The following AIM2 variants were observed in gnomAD, a reference collection of about 807,000 sequenced individuals.
AIM2 encodes absent in melanoma 2.
AIM2 carries 30 observed loss-of-function variants against 27.7 expected under a neutral mutation model. That is an observed-to-expected ratio of 1.08 (90% CI 0.81 to 1.47). The LOEUF (loss-of-function observed/expected upper bound fraction) is 1.47, where lower values mean the gene tolerates loss of function less well. Ranked by LOEUF, AIM2 falls within the 40% of genes most tolerant of loss-of-function variation. The probability of loss-of-function intolerance (pLI) is 0.00; values close to 1 mark genes in which losing one functional copy is unlikely to be tolerated. For missense variants in AIM2, 358 were observed against 411.3 expected (o/e 0.87, Z 1.12); for synonymous variants, 141 against 145.3 (o/e 0.97, Z 0.21).
chr1:159,127,092 G>C (rs1363145515), intron 1 of AIM2, among the ~76,000 whole-genome samples: 1 of 152,158 alleles, frequency 6.6e-6, no homozygotes, highest in Non-Finnish European at 1.5e-5. Context: ...ACAAGCCAGG[G>C]GATGATTGGT....
chr1:159,107,298 A>ATG (rs1491242235), intron 1 of AIM2, among the ~76,000 whole-genome samples: 9 of 150,250 alleles, frequency 6.0e-5, no homozygotes, highest in African/African-American at 2.0e-4. Flanking sequence ...ACAGATGTAC[A>ATG]TGTGTGTATG....
intron 1 of AIM2, among the ~76,000 whole-genome samples, chr1:159,092,276 A>G (rs1657065943): frequency 6.6e-6 from 1 of 152,248 alleles, no homozygotes; most frequent in Non-Finnish European, 1.5e-5. Context: ...TAAGCTGAAA[A>G]CAATTAAGTT....
At chr1:159,139,918 C>T (rs7536264) in intron 1 of AIM2, among the ~76,000 whole-genome samples, 4 of 152,112 alleles carry the variant, frequency 2.6e-5, no homozygotes, top group African/African-American at 4.8e-5. Context: ...CTTACCTTCT[C>T]GGAATTCTCA....
chr1:159,115,271 T>C (rs565901050), intron 1 of AIM2, among the ~76,000 whole-genome samples: 3 of 152,300 alleles, frequency 2.0e-5, no homozygotes, highest in African/African-American at 7.2e-5. Flanking sequence ...AGGTAATTTA[T>C]AGATTCAATG....
chr1:159,058,499 T>C (rs1340760828), downstream of AIM2, among the ~76,000 whole-genome samples: 1 of 151,596 alleles, frequency 6.6e-6, no homozygotes, highest in Non-Finnish European at 1.5e-5. Flanking sequence ...GGGAGGGTGA[T>C]GAGGAGCCAC....
intron 2 of AIM2, among the ~76,000 whole-genome samples, chr1:159,072,652 T>C (rs1656410017): frequency 6.6e-6 from 1 of 152,180 alleles, no homozygotes; most frequent in Non-Finnish European, 1.5e-5. Context: ...ATTTATACTG[T>C]CACCTGTACT....
rs1656459935 is a variant in AIM2 at position 159,073,475 on chromosome 1, G to A, written c.25C>T (p.Leu9Phe). 6.2e-7 allele frequency: 1 copy of A among 1,613,990 alleles called. No homozygotes were observed. The highest frequency in any genetic ancestry group is 1.1e-5 in the South Asian group (1 of 91,080). The change falls in exon 2 of 6, where the codon CTC becomes TTC. Residue 9 changes from leucine (L) to phenylalanine (F), a missense_variant. By Grantham distance (22) the Leu-to-Phe change is conservative. Transcript: ENST00000368130. ...ATGTTATCCAGGCCTGTTAGCAAGA[G>A]TATCTCCTTGTATTTACTCTCCATC... MESKYKEILLLTGLDNITD... is the reference protein window; with the variant it reads MESKYKEIFLLTGLDNITD...
chr1:159,107,324 G>T (rs867696806), intron 1 of AIM2, among the ~76,000 whole-genome samples: 1 of 150,568 alleles, frequency 6.6e-6, no homozygotes, highest in African/African-American at 2.5e-5. Flanking sequence ...GTGTGTGTGT[G>T]TGTGTGTGCG....
chr1:159,078,003 G>A (rs1315012853), upstream of AIM2, among the ~76,000 whole-genome samples: 2 of 152,206 alleles, frequency 1.3e-5, no homozygotes, highest in East Asian at 3.8e-4. Context: ...TGCTCAAGGA[G>A]CAGAGGAAGA....
rs1188391150 is a variant in AIM2, at chr1:159,130,838, ACACACG to A, written c.-16+9587_-16+9592del. On this transcript the variant is annotated intron_variant, in intron 1 of 2. Transcript: ENST00000368129. ...CACACACACACACACACACACACAC[ACACACG>A]CACGCACTCTTCAAATCTGTCATTG... Among the ~76,000 whole-genome samples the A allele has an allele frequency of 8.0e-4, 110 of 137,660 alleles. 1 individual carries two copies. Among genetic ancestry groups the A allele is most frequent in the South Asian group, 9.4e-4 (4 of 4,244 alleles). 90.3% of individuals were successfully genotyped at this position (137,660 alleles called of 152,430 possible). A position where few individuals can be genotyped will look rare whatever the true frequency, so the allele number is the denominator to read the frequency against.
chr1:159,110,968 C>G (rs140480290), intron 1 of AIM2, among the ~76,000 whole-genome samples: 99 of 152,122 alleles, frequency 6.5e-4, no homozygotes, highest in Non-Finnish European at 1.1e-3. Context: ...ATTATACTTA[C>G]GCTAATGTGC....
At chr1:159,078,398 G>A (rs1448753434), upstream of AIM2, among the ~76,000 whole-genome samples, 4 of 152,300 alleles carry the variant, frequency 2.6e-5, no homozygotes, top group South Asian at 2.1e-4. Flanking sequence ...CACACAAGGC[G>A]AAAGAACACC....
chr1:159,140,291 A>G (rs1034821737), intron 1 of AIM2: 2 of 152,226 alleles, frequency 1.3e-5, no homozygotes, highest in African/African-American at 4.8e-5. Flanking sequence ...TCTTACTAGA[A>G]GAATTTTAAG....
chr1:159,065,433 C>G (rs770287589), intron 4 of AIM2, among the ~76,000 whole-genome samples: 3 of 152,096 alleles, frequency 2.0e-5, no homozygotes, highest in Non-Finnish European at 4.4e-5. Context: ...AAAAAAAAGT[C>G]TCCTCAGGCT....
chr1:159,112,384 A>G (rs1325206392), intron 1 of AIM2, among the ~76,000 whole-genome samples: 1 of 152,200 alleles, frequency 6.6e-6, no homozygotes. Flanking sequence ...CAATATAACA[A>G]TTCTAAACTT....
At chr1:159,137,513 C>T (rs1193554306) in intron 1 of AIM2, among the ~76,000 whole-genome samples, 2 of 151,974 alleles carry the variant, frequency 1.3e-5, no homozygotes, top group South Asian at 2.1e-4. Flanking sequence ...AAAAATTAGC[C>T]GGGCATGTTG....
At chr1:159,069,579 G>A (rs547267147) in intron 2 of AIM2, among the ~76,000 whole-genome samples, 3 of 150,532 alleles carry the variant, frequency 2.0e-5, no homozygotes, top group East Asian at 2.0e-4. Flanking sequence ...GTCTCACTCC[G>A]TCACCCAAGC....
At chr1:159,135,510 C>T (rs1647996854) in intron 1 of AIM2, among the ~76,000 whole-genome samples, 1 of 152,180 alleles carries the variant, frequency 6.6e-6, no homozygotes, top group Admixed American at 6.5e-5. Flanking sequence ...GTACAGGCCA[C>T]TTGAGGCCCG....
intron 1 of AIM2, among the ~76,000 whole-genome samples, chr1:159,096,150 T>C (rs1304741271): frequency 6.6e-6 from 1 of 152,190 alleles, no homozygotes; most frequent in Non-Finnish European, 1.5e-5. Flanking sequence ...GCTGAAAAGA[T>C]CCTTCTTTAA....
Sources: gnomAD v4.1 joint callset for allele counts (sites outside exome capture counted in the v4.1 genomes callset) on GRCh38, gnomAD v4.1.1 for gene constraint, MANE v1.5 for transcripts, NCBI Gene and HGNC (gene_info 2026-07-23, HGNC 2026-07-21) for gene names.